Variants in TMCO4 observed in about 807,000 individuals in gnomAD.
The protein encoded by TMCO4 is transmembrane and coiled-coil domains 4.
TMCO4 carries 58 observed loss-of-function variants against 64.7 expected under a neutral mutation model. The ratio of observed to expected loss-of-function variants is 0.90; its 90% CI spans 0.73 to 1.12. The LOEUF is 1.12. TMCO4 is among the 50% of genes most tolerant of loss of function. The pLI, the probability that TMCO4 is intolerant of heterozygous loss-of-function variation, is 0.00. For synonymous variants in TMCO4, 325 were observed against 346.1 expected, an observed-to-expected ratio of 0.94 and a Z score of 0.68; for missense variants, 780 against 825.9, an observed-to-expected ratio of 0.94 and a Z score of 0.68.
intron 4 of TMCO4, among the ~76,000 whole-genome samples, chr1:19,776,155 G>T (rs529810574): frequency 6.6e-6 from 1 of 152,162 alleles, no homozygotes; most frequent in Non-Finnish European, 1.5e-5. Context: ...TGATCTGCCC[G>T]CCTCAGCATC....
At chr1:19,698,820 T>C (rs1312414269) in intron 14 of TMCO4, among the ~76,000 whole-genome samples, 16 of 152,208 alleles carry the variant, frequency 1.1e-4, no homozygotes, top group Admixed American at 1.0e-3. Context: ...ACAGAACAGA[T>C]GGGTTTAATA....
intron 1 of TMCO4, among the ~76,000 whole-genome samples, chr1:19,798,800 C>T (rs2044460324): frequency 6.6e-6 from 1 of 152,240 alleles, no homozygotes; most frequent in Non-Finnish European, 1.5e-5. Flanking sequence ...GGCAGCGCTC[C>T]TTTTTGTTCA....
intron 2 of TMCO4, among the ~76,000 whole-genome samples, chr1:19,792,000 C>T (rs2044065927): frequency 6.6e-6 from 1 of 152,194 alleles, no homozygotes; most frequent in African/African-American, 2.4e-5. Context: ...CTCAGGAGAT[C>T]TGATGACTTT....
chr1:19,776,609 A>G (rs757220677), intron 4 of TMCO4, among the ~76,000 whole-genome samples: 5 of 152,234 alleles, frequency 3.3e-5, no homozygotes, highest in Non-Finnish European at 5.9e-5. Context: ...TGCAAGGGCC[A>G]TCAACACATA....
At chr1:19,684,092 G>A (rs1484663592) in intron 15 of TMCO4, among the ~76,000 whole-genome samples, 2 of 128,150 alleles carry the variant, frequency 1.6e-5, no homozygotes, top group Admixed American at 7.5e-5. Context: ...TTTTTTTAAG[G>A]GATGGGCTTT....
chr1:19,701,003 C>T (rs765451130), intron 13 of TMCO4, 118 bp from the exon 14 acceptor site: 1 of 770,576 alleles, frequency 1.3e-6, no homozygotes, highest in Non-Finnish European at 2.2e-6. Context: ...CACACGTGAA[C>T]GTGGACAATC....
chr1:19,764,196 C>G (rs1441739862), intron 6 of TMCO4, among the ~76,000 whole-genome samples: 2 of 152,198 alleles, frequency 1.3e-5, no homozygotes, highest in Non-Finnish European at 1.5e-5. Context: ...CTCCACTTAT[C>G]TCCATGTGGG....
rs1344551158 is a variant in TMCO4, at chr1:19,799,889, C to T, written c.-214G>A. ...GCTGCGAAGGCAAAGGCGGAGGCGG[C>T]AAAACCGGCGAGCGGCTCCTCCCGC... On this transcript the variant is annotated 5_prime_UTR_variant, in exon 1 of 16. Transcript: ENST00000294543. 2.0e-5 allele frequency: 3 copies of T among 152,150 alleles called. No individual in the cohort carries two copies. Among genetic ancestry groups the T allele is most frequent in the South Asian group, 1.9e-4 (1 of 5,332 alleles). The allele number at this position is 152,150 out of a possible 1,614,324, so 9.4% of individuals were successfully genotyped here.
chr1:19,773,627 G>C (rs1557603506), intron 4 of TMCO4, among the ~76,000 whole-genome samples: 2 of 152,158 alleles, frequency 1.3e-5, no homozygotes, highest in South Asian at 4.1e-4. Context: ...TTCTTGAAGA[G>C]GAATCTTAGC....
At chr1:19,728,334 C>T (rs1419997795) in intron 13 of TMCO4, among the ~76,000 whole-genome samples, 1 of 152,202 alleles carries the variant, frequency 6.6e-6, no homozygotes, top group Non-Finnish European at 1.5e-5. Flanking sequence ...CTACTGGCCC[C>T]ATGGGGTGGT....
intron 2 of TMCO4, among the ~76,000 whole-genome samples, chr1:19,797,509 A>T (rs560380024): frequency 1.3e-5 from 2 of 152,110 alleles, no homozygotes; most frequent in Non-Finnish European, 2.9e-5. Context: ...CTGGAGGTGT[A>T]GGCCAGGGGA....
chr1:19,761,674 T>G (rs2100975678), intron 6 of TMCO4, among the ~76,000 whole-genome samples: 1 of 152,354 alleles, frequency 6.6e-6, no homozygotes, highest in Non-Finnish European at 1.5e-5. Flanking sequence ...GCTTGTGGAA[T>G]TACAGCTTCC....
At chr1:19,786,509 T>C (rs1403654235) in intron 3 of TMCO4, among the ~76,000 whole-genome samples, 1 of 152,146 alleles carries the variant, frequency 6.6e-6, no homozygotes, top group African/African-American at 2.4e-5. Flanking sequence ...AGAAACACTT[T>C]AGAAGAACCA....
chr1:19,722,148 T>C (rs2095387606), intron 13 of TMCO4, among the ~76,000 whole-genome samples: 1 of 152,166 alleles, frequency 6.6e-6, no homozygotes, highest in South Asian at 2.1e-4. Context: ...GTCAAGGGGA[T>C]CCTGTACAGT....
At position 19,683,313 on chromosome 1, in the gene TMCO4, GC is replaced by G; in HGVS notation, c.1631del (p.Arg544ProfsTer43). 1.9e-6 allele frequency: 3 copies of G among 1,614,016 alleles called. No individual in the cohort carries two copies. In the South Asian group the frequency reaches 3.3e-5, roughly 18 times the overall value. On this transcript the variant is annotated frameshift_variant, in exon 16 of 16. Coordinates refer to ENST00000294543, the MANE Select transcript of TMCO4 (RefSeq NM_181719.7). LOFTEE classifies it low-confidence loss of function (END_TRUNC). Reference protein sequence around the residue: ...APGCLPSEEPRQAAAAASSGE... With the variant: ...APGCLPSEEPXQAAAAASSGE... ...CTGATGAGGCGGCAGCTGCTGCCTG[GC>G]GAGGCTCCTCGGAGGGCAGGCAGCC... is the stretch of plus-strand genomic sequence containing the variant.
intron 6 of TMCO4, among the ~76,000 whole-genome samples, chr1:19,766,187 A>C (rs2042728505): frequency 6.6e-6 from 1 of 152,110 alleles, no homozygotes; most frequent in Non-Finnish European, 1.5e-5. Flanking sequence ...TCCAACAAAT[A>C]CTAATGCCCA....
At chr1:19,733,599 T>C (rs1394085331) in intron 13 of TMCO4, among the ~76,000 whole-genome samples, 1 of 152,150 alleles carries the variant, frequency 6.6e-6, no homozygotes, top group Non-Finnish European at 1.5e-5. Context: ...ATTTCCAAAA[T>C]AGGGGTGCCT....
At chr1:19,770,426 T>C (rs2042929694) in intron 6 of TMCO4, 116 bp downstream of exon 6, 3 of 1,128,050 alleles carry the variant, frequency 2.7e-6, no homozygotes, top group Admixed American at 3.4e-5. Context: ...CTTTCCTTCC[T>C]GAAGTCAAAA....
At chr1:19,795,122 G>A (rs1417306500) in intron 2 of TMCO4, among the ~76,000 whole-genome samples, 1 of 152,026 alleles carries the variant, frequency 6.6e-6, no homozygotes. Context: ...CACTTAAAAT[G>A]ATTACGATGG....
Sources: gnomAD v4.1 joint callset for allele counts (sites outside exome capture counted in the v4.1 genomes callset) on GRCh38, gnomAD v4.1.1 for gene constraint, MANE v1.5 for transcripts, NCBI Gene and HGNC (gene_info 2026-07-23, HGNC 2026-07-21) for gene names.